The following CRACD variants were observed in gnomAD, a reference collection of about 807,000 sequenced individuals.
CRACD encodes the protein capping protein inhibiting regulator of actin dynamics.
In CRACD, 56 loss-of-function variants were observed where a neutral mutation model predicts 106.8. The observed-to-expected ratio is 0.52, with a 90% confidence interval of 0.42 to 0.66. The LOEUF is 0.66. CRACD is among the 30% of genes least tolerant of loss of function. The pLI is 0.00. For synonymous variants in CRACD, 754 were observed against 670.8 expected, an observed-to-expected ratio of 1.12 and a Z score of -1.92; for missense variants, 1,730 against 1,623.2, an observed-to-expected ratio of 1.07 and a Z score of -1.13.
chr4:56,207,962 C>T (rs971952406), intron 2 of CRACD, among the ~76,000 whole-genome samples: 2 of 150,998 alleles, frequency 1.3e-5, no homozygotes, highest in Admixed American at 1.3e-4. Context: ...ACTGGGACTG[C>T]AGACACACCA....
chr4:56,210,580 C>T (rs1010785169), intron 2 of CRACD, among the ~76,000 whole-genome samples: 1 of 152,202 alleles, frequency 6.6e-6, no homozygotes, highest in African/African-American at 2.4e-5. Flanking sequence ...AAGTTTACAT[C>T]TCAAAGCACA....
chr4:56,161,867 G>A (rs1472101161), intron 1 of CRACD, among the ~76,000 whole-genome samples: 2 of 151,534 alleles, frequency 1.3e-5, no homozygotes, highest in Non-Finnish European at 2.9e-5. Flanking sequence ...GGGTTTAAGT[G>A]ATTCTCCTGT....
At chr4:56,057,647 G>T (rs1248708738) in intron 1 of CRACD, among the ~76,000 whole-genome samples, 6 of 119,640 alleles carry the variant, frequency 5.0e-5, no homozygotes, top group African/African-American at 2.3e-4. Flanking sequence ...TTTTTTTTGG[G>T]AGACGGAGTC....
At chr4:56,271,905 G>A (rs1019038804) in intron 2 of CRACD, among the ~76,000 whole-genome samples, 11 of 152,088 alleles carry the variant, frequency 7.2e-5, no homozygotes, top group South Asian at 2.1e-4. Context: ...CCACCAACCC[G>A]ACTAATTTTC....
chr4:56,247,589 T>TAATCCCAGCACTTTGGG (rs1233045353), intron 2 of CRACD, among the ~76,000 whole-genome samples: 2 of 152,188 alleles, frequency 1.3e-5, no homozygotes, highest in Non-Finnish European at 2.9e-5. Flanking sequence ...CTCATGCCTG[T>TAATCCCAGCACTTTGGG]AATCCCAGCA....
intron 2 of CRACD, among the ~76,000 whole-genome samples, chr4:56,224,728 C>A (rs1219031081): frequency 6.6e-6 from 1 of 152,202 alleles, no homozygotes; most frequent in African/African-American, 2.4e-5. Context: ...GTTTCTTTGG[C>A]TTAACCATGT....
chr4:56,188,752 C>T (rs1196508771), intron 2 of CRACD, among the ~76,000 whole-genome samples: 1 of 146,766 alleles, frequency 6.8e-6, no homozygotes. Flanking sequence ...ACATTTTCCA[C>T]CTGGCTTATA....
At chr4:56,182,848 G>A (rs934933603) in intron 2 of CRACD, among the ~76,000 whole-genome samples, 23 of 141,588 alleles carry the variant, frequency 1.6e-4, no homozygotes, top group Non-Finnish European at 3.0e-5. Flanking sequence ...CTCATACAAC[G>A]TAGAAAAAAA....
At position 56,291,334 on chromosome 4, in the gene CRACD, G is replaced by A. The variant is rs1031175578; in HGVS notation, c.-16-6880G>A. 2.6e-5 allele frequency among the ~76,000 whole-genome samples: 4 copies of A among 152,100 alleles called. No homozygotes were observed. In the East Asian group the frequency reaches 7.7e-4, roughly 29 times the overall value. ...AGAAGTCCGGACGAACTCTGCTAAG[G>A]TACAATTTGTGGTAAATTGCCTCTC... On this transcript the variant is annotated intron_variant, in intron 3 of 10. Coordinates refer to ENST00000682029, the MANE Select transcript of CRACD (RefSeq NM_001393381.1).
chr4:56,310,573 G>C (rs1226699073), intron 5 of CRACD, 93 bp from the exon 6 acceptor site: 4 of 871,818 alleles, frequency 4.6e-6, no homozygotes, highest in African/African-American at 1.7e-5. Flanking sequence ...TGTAGAGGAG[G>C]GGGTGACCCT....
chr4:56,154,502 A>C (rs1278301235), intron 1 of CRACD, among the ~76,000 whole-genome samples: 12 of 123,390 alleles, frequency 9.7e-5, no homozygotes. Flanking sequence ...TAAGAGAATC[A>C]AATAATTTTT....
intron 3 of CRACD, among the ~76,000 whole-genome samples, chr4:56,280,056 C>T (rs1004633515): frequency 5.4e-5 from 8 of 148,780 alleles, no homozygotes; most frequent in Non-Finnish European, 7.4e-5. Context: ...AAAAACCAAA[C>T]ACCGCATGTT....
intron 4 of CRACD, among the ~76,000 whole-genome samples, chr4:56,299,447 A>G (rs1278925218): frequency 2.0e-5 from 3 of 151,960 alleles, no homozygotes; most frequent in Non-Finnish European, 4.4e-5. Context: ...AGGTGGGTGG[A>G]CTGCTTGAAC....
chr4:56,099,806 T>C (rs1211737646), intron 1 of CRACD, among the ~76,000 whole-genome samples: 1 of 152,210 alleles, frequency 6.6e-6, no homozygotes, highest in Non-Finnish European at 1.5e-5. Context: ...GCGACATCTC[T>C]CTGTTAGCAG....
chr4:56,316,515 A>G lies in CRACD; in HGVS notation c.3013A>G (p.Lys1005Glu). ...RPDPEPSEPS[K>E]EDQESSDRRP... is the part of the protein sequence containing the mutation. Reference sequence around the variant, plus strand: ...GGACCCAGAGCCAAGTGAGCCGTCCAAGGAGGACCAGGAGAGCAGTGACCG... The same window carrying G: ...GGACCCAGAGCCAAGTGAGCCGTCCGAGGAGGACCAGGAGAGCAGTGACCG... The change falls in exon 8 of 11, where the codon AAG becomes GAG. Residue 1005 changes from lysine to glutamate, a missense_variant. This residue lies in a region of CRACD where 1,620 missense variants were observed against 1,481.6 expected (regional missense o/e 1.09). Coordinates refer to ENST00000682029, the MANE Select transcript of CRACD (RefSeq NM_001393381.1). 3 of 1,613,754 alleles carry G rather than the reference A, an allele frequency of 1.9e-6. No individual in the cohort carries two copies. The highest frequency in any genetic ancestry group is 2.5e-6 in the Non-Finnish European group (3 of 1,179,780).
chr4:56,231,343 A>G (rs1739606493), intron 2 of CRACD, among the ~76,000 whole-genome samples: 1 of 152,206 alleles, frequency 6.6e-6, no homozygotes, highest in Non-Finnish European at 1.5e-5. Context: ...CTCAATGAAT[A>G]TTCACTAATG....
Position 56,308,468 on chromosome 4 carries a change from T to TA in CRACD, c.285+780dup, listed in dbSNP as rs1051618907. 1.5e-3 allele frequency among the ~76,000 whole-genome samples: 193 copies of TA among 130,412 alleles called. 1 individual carries two copies. Among genetic ancestry groups the TA allele is most frequent in the African/African-American group, 4.1e-3 (150 of 36,442 alleles). 85.6% of individuals were successfully genotyped at this position (130,412 alleles called of 152,430 possible). A position where few individuals can be genotyped will look rare whatever the true frequency, so the allele number is the denominator to read the frequency against. On this transcript the variant is annotated intron_variant, in intron 5 of 10. Transcript: ENST00000682029. ...TAGGTGAGGCACTGGGGTTTCACTTTAAAAAAAAAAATGAAAAAACAAACA... is the reference window on the plus strand; with the variant it reads ...TAGGTGAGGCACTGGGGTTTCACTTTAAAAAAAAAAAATGAAAAAACAAACA...
intron 2 of CRACD, among the ~76,000 whole-genome samples, chr4:56,218,201 C>T (rs995575552): frequency 8.5e-5 from 13 of 152,120 alleles, no homozygotes; most frequent in Non-Finnish European, 1.6e-4. Flanking sequence ...GGGGTGAGGA[C>T]TTCAAGATAC....
intron 4 of CRACD, among the ~76,000 whole-genome samples, chr4:56,302,328 C>T (rs561110989): frequency 3.3e-5 from 5 of 152,152 alleles, no homozygotes; most frequent in Admixed American, 2.0e-4. Flanking sequence ...AAGATCAGAC[C>T]GGGCTGTGAG....
Sources: gnomAD v4.1 joint callset for allele counts (sites outside exome capture counted in the v4.1 genomes callset) on GRCh38, gnomAD v4.1.1 for gene constraint, gnomAD v4.1.1 regional missense constraint, MANE v1.5 for transcripts, NCBI Gene and HGNC (gene_info 2026-07-23, HGNC 2026-07-21) for gene names.